ZNF37A: variants seen among roughly 807,000 people sequenced by gnomAD.
ZNF37A encodes zinc finger protein 37a (KOX 21).
In ZNF37A, 10 loss-of-function variants were observed where a neutral mutation model predicts 12.3. The ratio of observed to expected loss-of-function variants is 0.82; its 90% CI spans 0.50 to 1.38. The LOEUF (loss-of-function observed/expected upper bound fraction) is 1.38. Ranked by LOEUF, ZNF37A falls within the 40% of genes most tolerant of loss-of-function variation. The pLI is 0.00. For synonymous variants in ZNF37A, 207 were observed against 223.0 expected (o/e 0.93, Z 0.64); for missense variants, 580 against 651.2 (o/e 0.89, Z 1.19).
At position 38,119,287 on chromosome 10, in the gene ZNF37A, C is replaced by T. The variant is rs1214792067; in HGVS notation, c.*450C>T. 10 of 1,044,588 alleles carry T rather than the reference C, an allele frequency of 9.6e-6. No homozygotes were observed. The highest frequency in any genetic ancestry group is 1.2e-5 in the Non-Finnish European group (10 of 854,422). 64.7% of individuals were successfully genotyped at this position (1,044,588 alleles called of 1,614,324 possible). On this transcript the variant is annotated 3_prime_UTR_variant, in exon 8 of 8. Coordinates refer to ENST00000685332, the MANE Select transcript of ZNF37A (RefSeq NM_001324250.3). ...AGCTCTAATTGTTCACCACAGAACT[C>T]ATATAAGACAGAAACCCTATGGGTG...
intron 7 of ZNF37A, among the ~76,000 whole-genome samples, chr10:38,133,846 G>C (rs1208396418): frequency 2.0e-5 from 3 of 152,100 alleles, no homozygotes; most frequent in Non-Finnish European, 4.4e-5. Context: ...GGGATGGTTG[G>C]GTCAAATGGT....
Position 38,118,398 on chromosome 10 carries a change from G to C in ZNF37A, c.1247G>C (p.Cys416Ser), listed in dbSNP as rs747214650. 6.2e-7 allele frequency: 1 copy of C among 1,613,972 alleles called. No individual in the cohort carries two copies. The highest frequency in any genetic ancestry group is 1.1e-5 in the South Asian group (1 of 91,086). The change falls in exon 8 of 8, where the codon TGT becomes TCT. Residue 416 changes from cysteine (C) to serine (S), a missense_variant. Cys to Ser is a moderately radical substitution (Grantham distance 112). Coordinates refer to ENST00000685332, the MANE Select transcript of ZNF37A (RefSeq NM_001324250.3). ...GAAAAACCTTATGAATGTAATGAAT[G>C]TGGGAAGTCATTCTCTGAGAAGTCA... ...TGEKPYECNE[C>S]GKSFSEKSTL...
chr10:38,133,617 C>G (rs1182939464), intron 7 of ZNF37A, among the ~76,000 whole-genome samples: 1 of 152,142 alleles, frequency 6.6e-6, no homozygotes, highest in Non-Finnish European at 1.5e-5. Context: ...TTTCCACTTT[C>G]ATCCATGTCC....
downstream of ZNF37A, among the ~76,000 whole-genome samples, chr10:38,130,029 A>C (rs535889722): frequency 6.6e-6 from 1 of 152,146 alleles, no homozygotes; most frequent in Non-Finnish European, 1.5e-5. Context: ...CTCAACCATA[A>C]TCTTTCCTTC....
chr10:38,102,936 C>A (rs2067714227), intron 5 of ZNF37A, among the ~76,000 whole-genome samples: 1 of 152,078 alleles, frequency 6.6e-6, no homozygotes, highest in Non-Finnish European at 1.5e-5. Flanking sequence ...ATTTCAGATC[C>A]TTTGTACATG....
At chr10:38,115,107 G>GTGTGTGTGTC in intron 6 of ZNF37A, 88 bp from the exon 7 acceptor site, 1 of 917,072 alleles carries the variant, frequency 1.1e-6, no homozygotes. Context: ...GTGTGTGTGT[G>GTGTGTGTGTC]TGTGTGTGTA....
chr10:38,139,305 A>G (rs996227523), intron 7 of ZNF37A: 3 of 152,026 alleles, frequency 2.0e-5, no homozygotes, highest in African/African-American at 7.2e-5. Context: ...TTATGAGGCA[A>G]CTAAAATCAT....
intron 4 of ZNF37A, among the ~76,000 whole-genome samples, chr10:38,096,167 A>G (rs1447623251): frequency 1.3e-5 from 2 of 152,170 alleles, no homozygotes; most frequent in Non-Finnish European, 2.9e-5. Flanking sequence ...TCTGTCTCAA[A>G]AAAGCAAACA....
chr10:38,121,400 A>AT lies in ZNF37A; in HGVS notation c.*2565dup, dbSNP rs1448936617. Reference sequence around the variant, plus strand: ...TGGACTTCCATTCCTCTTTCTTTTGATTCCCCCCTTTGACTTTTCATGTAT... The same window carrying AT: ...TGGACTTCCATTCCTCTTTCTTTTGATTTCCCCCCTTTGACTTTTCATGTAT... On this transcript the variant is annotated 3_prime_UTR_variant, in exon 8 of 8. Transcript: ENST00000685332. 1 of 152,082 alleles carries AT rather than the reference A, an allele frequency of 6.6e-6. No individual in the cohort carries two copies. Among genetic ancestry groups the AT allele is most frequent in the African/African-American group, 2.4e-5 (1 of 41,392 alleles). 9.4% of individuals were successfully genotyped at this position (152,082 alleles called of 1,614,324 possible).
intron 7 of ZNF37A, 176 bp downstream of exon 7, chr10:38,115,466 C>T (rs2136014145): frequency 2.5e-6 from 2 of 789,364 alleles, no homozygotes; most frequent in South Asian, 2.2e-5. Flanking sequence ...CCAGCATCTC[C>T]CAGTATCACT....
At chr10:38,110,365 C>T (rs1294364501) in intron 5 of ZNF37A, among the ~76,000 whole-genome samples, 1 of 152,104 alleles carries the variant, frequency 6.6e-6, no homozygotes, top group African/African-American at 2.4e-5. Flanking sequence ...AAACCTAAGA[C>T]CTAAAACCAT....
At chr10:38,104,880 A>G (rs1216900986) in intron 5 of ZNF37A, among the ~76,000 whole-genome samples, 2 of 152,238 alleles carry the variant, frequency 1.3e-5, no homozygotes, top group African/African-American at 4.8e-5. Flanking sequence ...CCCAGTTTCA[A>G]TCTTAACCCC....
chr10:38,115,949 T>C (rs756893874), intron 7 of ZNF37A, among the ~76,000 whole-genome samples: 20 of 152,030 alleles, frequency 1.3e-4, no homozygotes, highest in Non-Finnish European at 2.2e-4. Flanking sequence ...TGGCTAATTT[T>C]TGTGATCTCA....
At position 38,108,461 on chromosome 10, in the gene ZNF37A, CA is replaced by C. The variant is rs2068332030; in HGVS notation, c.16-6290del. On this transcript the variant is annotated intron_variant, in intron 5 of 7. Transcript: ENST00000685332. ...CTAGAGAAGCAAGAGCAAATACATT[CA>C]AAAGCTAGCAGAAGGCAAGAAATAA... Among the ~76,000 whole-genome samples, 4 of 152,128 alleles carry C rather than the reference CA, an allele frequency of 2.6e-5. No homozygotes were observed. In the South Asian group the frequency reaches 8.3e-4, roughly 32 times the overall value.
intron 7 of ZNF37A, among the ~76,000 whole-genome samples, chr10:38,135,991 GA>G (rs1279566777): frequency 6.6e-6 from 1 of 152,130 alleles, no homozygotes; most frequent in Non-Finnish European, 1.5e-5. Context: ...TAACCTGAAG[GA>G]ATCTCTTTAG....
Position 38,122,323 on chromosome 10 carries a change from G to T in ZNF37A, c.*3486G>T, listed in dbSNP as rs1427809521. On this transcript the variant is annotated 3_prime_UTR_variant, in exon 8 of 8. Coordinates refer to ENST00000685332, the MANE Select transcript of ZNF37A (RefSeq NM_001324250.3). The stretch of plus-strand genomic sequence containing the variant: ...CCAGAAAACTTTAACATTCTTCAAA[G>T]AAATAGAAAACACAATCCTAAAATT... 1 of 151,868 alleles carries T rather than the reference G, an allele frequency of 6.6e-6. No individual in the cohort carries two copies. Among genetic ancestry groups the T allele is most frequent in the Non-Finnish European group, 1.5e-5 (1 of 67,962 alleles). 9.4% of individuals were successfully genotyped at this position (151,868 alleles called of 1,614,324 possible).
chr10:38,148,958 C>T (rs2070291614), exon 8 of ZNF37A: 1 of 152,110 alleles, frequency 6.6e-6, no homozygotes, highest in African/African-American at 2.4e-5. Context: ...TTGCCTCAGC[C>T]TCCTCAGTAG....
In ZNF37A at chr10:38,095,588, C is replaced by T. The variant is rs1368516125; in HGVS notation, c.-147C>T. 6.6e-6 allele frequency: 1 copy of T among 152,146 alleles called. No homozygotes were observed. Among genetic ancestry groups the T allele is most frequent in the African/African-American group, 2.4e-5 (1 of 41,430 alleles). The allele number at this position is 152,146 out of a possible 1,614,324, so 9.4% of individuals were successfully genotyped here. On this transcript the variant is annotated 5_prime_UTR_variant, in exon 3 of 8. Coordinates refer to ENST00000685332, the MANE Select transcript of ZNF37A (RefSeq NM_001324250.3). Reference sequence around the variant, plus strand: ...CACAACTAGAGATGTACGGATGCCCCCATCTTGATCTTACAGAATCAGAGG... The same window carrying T: ...CACAACTAGAGATGTACGGATGCCCTCATCTTGATCTTACAGAATCAGAGG...
intron 7 of ZNF37A, chr10:38,139,270 CTTA>C (rs1467602644): frequency 2.6e-5 from 4 of 151,712 alleles, no homozygotes; most frequent in Non-Finnish European, 5.9e-5. Flanking sequence ...CATTATTGTC[CTTA>C]TTATGTGTTT....
Sources: allele counts gnomAD v4.1 joint callset (sites outside exome capture counted in the v4.1 genomes callset), GRCh38; gene constraint gnomAD v4.1.1; transcripts MANE v1.5; gene names NCBI Gene and HGNC (gene_info 2026-07-23, HGNC 2026-07-21).